The following KLHL28 variants were observed in gnomAD, a reference collection of about 807,000 sequenced individuals.
KLHL28 encodes kelch-like protein 28.
KLHL28 carries 22 observed loss-of-function variants against 48.3 expected under a neutral mutation model. That is an observed-to-expected ratio of 0.46 (90% CI 0.33 to 0.65). The LOEUF (loss-of-function observed/expected upper bound fraction) is 0.65, where lower values mean the gene tolerates loss of function less well. KLHL28 is among the 30% of genes least tolerant of loss of function. The pLI is 0.03. For missense variants in KLHL28, 527 were observed against 704.3 expected, an observed-to-expected ratio of 0.75 and a Z score of 2.85; for synonymous variants, 243 against 242.4, an observed-to-expected ratio of 1.00 and a Z score of -0.02.
chr14:44,954,537 T>C (rs1025088472), intron 1 of KLHL28, among the ~76,000 whole-genome samples: 3 of 152,170 alleles, frequency 2.0e-5, no homozygotes, highest in Non-Finnish European at 4.4e-5. Context: ...AATCTCTGTA[T>C]AGAATACTCT....
chr14:44,938,400 C>G (rs1015275260), intron 2 of KLHL28, among the ~76,000 whole-genome samples: 1 of 151,518 alleles, frequency 6.6e-6, no homozygotes, highest in African/African-American at 2.4e-5. Context: ...GAGACTGAGT[C>G]TCGCTCTATC....
chr14:44,935,905 T>TATATATATA (rs1233257500), intron 2 of KLHL28, among the ~76,000 whole-genome samples: 6 of 123,642 alleles, frequency 4.9e-5, no homozygotes, highest in East Asian at 2.3e-4. Flanking sequence ...TATATATATC[T>TATATATATA]TTACCCTCCC....
In KLHL28 at chr14:44,945,551, T is replaced by A; in HGVS notation, c.378A>T (p.Ala126=). 1 of 1,614,184 alleles carries A rather than the reference T, an allele frequency of 6.2e-7. No homozygotes were observed. Among genetic ancestry groups the A allele is most frequent in the African/African-American group, 1.3e-5 (1 of 75,044 alleles). ...QIKLVLKECC[A]FLESQLDPGN... is the part of the protein sequence containing the mutation. ...CAGGATCAAGTTGGCTTTCAAGAAA[T>A]GCACAACATTCTTTCAGGACAAGTT... is the stretch of plus-strand genomic sequence containing the variant. Residue 126 remains alanine, a synonymous_variant, in exon 2 of 5, where the codon GCA becomes GCT. Coordinates refer to ENST00000396128, the MANE Select transcript of KLHL28 (RefSeq NM_017658.5).
intron 2 of KLHL28, among the ~76,000 whole-genome samples, chr14:44,936,054 T>C (rs892474525): frequency 6.6e-6 from 1 of 151,482 alleles, no homozygotes; most frequent in Admixed American, 6.6e-5. Context: ...TCAGTTTTTA[T>C]TATAATACTT....
chr14:44,939,867 A>G (rs1883995671), intron 2 of KLHL28, among the ~76,000 whole-genome samples: 1 of 152,132 alleles, frequency 6.6e-6, no homozygotes, highest in African/African-American at 2.4e-5. Context: ...ACCTCTACCC[A>G]TTAACCAGTT....
chr14:44,944,996 T>C, intron 2 of KLHL28, 34 bp downstream of exon 2: 1 of 1,397,706 alleles, frequency 7.2e-7, no homozygotes, highest in Non-Finnish European at 9.8e-7. Context: ...TAAAATCAAT[T>C]AGCATCATTC....
intron 2 of KLHL28, among the ~76,000 whole-genome samples, chr14:44,939,864 C>T (rs903545926): frequency 6.6e-6 from 1 of 152,188 alleles, no homozygotes; most frequent in African/African-American, 2.4e-5. Flanking sequence ...CCAACCTCTA[C>T]CCATTAACCA....
At chr14:44,935,255 G>T (rs1326036997) in intron 2 of KLHL28, among the ~76,000 whole-genome samples, 1 of 152,138 alleles carries the variant, frequency 6.6e-6, no homozygotes, top group Non-Finnish European at 1.5e-5. Flanking sequence ...CAGGTAAAAC[G>T]AATCTCTGGA....
At position 44,934,312 on chromosome 14, in the gene KLHL28, T is replaced by C. The variant is rs199867476; in HGVS notation, c.1146A>G (p.Val382=). Residue 382 remains valine, a synonymous_variant, in exon 3 of 5, where the codon GTA becomes GTG. Coordinates refer to ENST00000396128, the MANE Select transcript of KLHL28 (RefSeq NM_017658.5). The part of the protein sequence containing the change: ...MNESRSTLGV[V]VLAGELYALG... ...AGGCATAAAGTTCTCCTGCAAGTAC[T>C]ACTACTCCAAGAGTACTTCGGCTTT... 6.2e-7 allele frequency: 1 copy of C among 1,614,134 alleles called. No homozygotes were observed. Among genetic ancestry groups the C allele is most frequent in the African/African-American group, 1.3e-5 (1 of 75,068 alleles).
chr14:44,951,179 C>A (rs1428979542), intron 1 of KLHL28, among the ~76,000 whole-genome samples: 1 of 152,200 alleles, frequency 6.6e-6, no homozygotes, highest in Non-Finnish European at 1.5e-5. Flanking sequence ...GGTCAAAAGT[C>A]TAACACCTAA....
At chr14:44,935,641 C>T (rs1883778761) in intron 2 of KLHL28, among the ~76,000 whole-genome samples, 1 of 151,030 alleles carries the variant, frequency 6.6e-6, no homozygotes, top group South Asian at 2.1e-4. Flanking sequence ...TATATTGGGG[C>T]ACATTTAATA....
rs1164325610 is a variant in KLHL28 at position 44,929,272 on chromosome 14, T to G, written c.1553-81A>C. The stretch of plus-strand genomic sequence containing the variant: ...TTCTCACTAAAAATAAATTTGTATT[T>G]TAATGTTTTATTAAAATACATTTTA... On this transcript the variant is annotated intron_variant, in intron 4 of 4. Coordinates refer to ENST00000396128, the MANE Select transcript of KLHL28 (RefSeq NM_017658.5). 7 of 1,217,280 alleles carry G rather than the reference T, an allele frequency of 5.8e-6. No homozygotes were observed. In the African/African-American group the frequency reaches 9.3e-5, roughly 16 times the overall value. 75.4% of individuals were successfully genotyped at this position (1,217,280 alleles called of 1,614,324 possible).
chr14:44,945,144 A>C lies in KLHL28; in HGVS notation c.785T>G (p.Phe262Cys), dbSNP rs762282458. 6 of 1,614,154 alleles carry C rather than the reference A, an allele frequency of 3.7e-6. No homozygotes were observed. The South Asian group carries it at 4.4e-5, about 12-fold the overall frequency. ...ATGAGAGAGTCTATGTTCAGGCATAAAGTGGTACTTTAGGGCTTCATTCAA... is the reference window on the plus strand; with the variant it reads ...ATGAGAGAGTCTATGTTCAGGCATACAGTGGTACTTTAGGGCTTCATTCAA... Reference protein sequence around the residue: ...HLLNEALKYHFMPEHRLSHQT... With the variant: ...HLLNEALKYHCMPEHRLSHQT... Residue 262 changes from phenylalanine (F) to cysteine (C), a missense_variant, in exon 2 of 5, where the codon TTT becomes TGT. Coordinates refer to ENST00000396128, the MANE Select transcript of KLHL28 (RefSeq NM_017658.5).
intron 1 of KLHL28, chr14:44,953,560 A>C (rs557309124): frequency 2.1e-3 from 317 of 152,666 alleles, no homozygotes; most frequent in Non-Finnish European, 3.1e-3. Flanking sequence ...CTGAGCTAGC[A>C]CACTCACAGC....
At chr14:44,953,765 A>G (rs1884682964) in intron 1 of KLHL28, 1 of 152,238 alleles carries the variant, frequency 6.6e-6, no homozygotes, top group Non-Finnish European at 1.5e-5. Context: ...ATATTGTGTT[A>G]TAAGTAATGG....
chr14:44,931,813 G>C (rs1488233197), intron 3 of KLHL28, among the ~76,000 whole-genome samples: 1 of 152,074 alleles, frequency 6.6e-6, no homozygotes, highest in East Asian at 1.9e-4. Flanking sequence ...GAAGACCTGG[G>C]TTCAAGTACT....
intron 2 of KLHL28, among the ~76,000 whole-genome samples, chr14:44,935,005 GGCAT>G (rs1447304177): frequency 2.0e-5 from 3 of 152,078 alleles, no homozygotes; most frequent in Non-Finnish European, 4.4e-5. Flanking sequence ...TGATGAAAAA[GGCAT>G]GCATACATAT....
In KLHL28 at chr14:44,957,909, A is replaced by G. The variant is rs151319864; in HGVS notation, c.-1+3937T>C. On this transcript the variant is annotated intron_variant, in intron 1 of 4. Coordinates refer to ENST00000396128, the MANE Select transcript of KLHL28 (RefSeq NM_017658.5). ...AGAATGGAAATCCAGAGGATAGATC[A>G]TTCATATAAAATCTTTATAAAATAA... 2.0e-4 allele frequency among the ~76,000 whole-genome samples: 31 copies of G among 152,244 alleles called. No homozygotes were observed. In the East Asian group the frequency reaches 6.0e-3, roughly 29 times the overall value.
Position 44,945,222 on chromosome 14 carries a change from C to A in KLHL28, c.707G>T (p.Arg236Ile). The change falls in exon 2 of 5, where the codon AGA becomes ATA. Residue 236 changes from arginine (R) to isoleucine (I), a missense_variant. Coordinates refer to ENST00000396128, the MANE Select transcript of KLHL28 (RefSeq NM_017658.5). The stretch of plus-strand genomic sequence containing the variant: ...AATAAGATGATTTGCTTCATATAGT[C>A]TAGTGAGAAACTTAACACTCAACAA... ...LPLLSVKFLT[R>I]LYEANHLIRD... 1 of 1,614,072 alleles carries A rather than the reference C, an allele frequency of 6.2e-7. No individual in the cohort carries two copies. Among genetic ancestry groups the A allele is most frequent in the Non-Finnish European group, 8.5e-7 (1 of 1,179,992 alleles).
Sources: gnomAD v4.1 joint callset for allele counts (sites outside exome capture counted in the v4.1 genomes callset) on GRCh38, gnomAD v4.1.1 for gene constraint, MANE v1.5 for transcripts, NCBI Gene and HGNC (gene_info 2026-07-23, HGNC 2026-07-21) for gene names.